HYDIN: variants seen among roughly 807,000 people sequenced by gnomAD.
HYDIN encodes axonemal central pair apparatus protein HYDIN.
HYDIN carries 132 observed loss-of-function variants against 403.9 expected under a neutral mutation model. The ratio of observed to expected loss-of-function variants is 0.33; its 90% CI spans 0.28 to 0.38. The LOEUF (loss-of-function observed/expected upper bound fraction) is 0.38. HYDIN is among the 10% of genes least tolerant of loss of function. HYDIN has a pLI of 1.00. For missense variants in HYDIN, 2,827 were observed against 5,009.5 expected, an observed-to-expected ratio of 0.56 and a Z score of 13.15; for synonymous variants, 1,202 against 1,891.7, an observed-to-expected ratio of 0.64 and a Z score of 9.46.
intron 8 of HYDIN, 147 bp downstream of exon 8, chr16:71,137,004 G>A: frequency 3.5e-6 from 2 of 569,584 alleles, no homozygotes; most frequent in Non-Finnish European, 6.3e-6. Context: ...TTCAAAAGAG[G>A]ATCTTAAACC....
chr16:71,072,513 G>C (rs1318317574), intron 13 of HYDIN, among the ~76,000 whole-genome samples: 1 of 152,120 alleles, frequency 6.6e-6, no homozygotes, highest in South Asian at 2.1e-4. Flanking sequence ...GAGTTAAAAA[G>C]AATTTTATAG....
intron 18 of HYDIN, among the ~76,000 whole-genome samples, chr16:71,042,474 C>G (rs1463476104): frequency 1.3e-5 from 2 of 152,182 alleles, no homozygotes; most frequent in Non-Finnish European, 2.9e-5. Context: ...CTCTCTCTCT[C>G]TCTTTCACTT....
At position 70,807,731 on chromosome 16, in the gene HYDIN, T is replaced by G; in HGVS notation, c.15215A>C (p.Lys5072Thr). 1 of 1,614,166 alleles carries G rather than the reference T, an allele frequency of 6.2e-7. No individual in the cohort carries two copies. Residue 5072 changes from lysine to threonine, a missense_variant, in exon 86 of 86, where the codon AAG (lysine) becomes ACG (threonine). Lys to Thr is a moderately conservative substitution (Grantham distance 78). Transcript: ENST00000393567. ...TIRAGESVRP[K>T]KINNITVSFE... ...GGAGACTGTGATGTTGTTGATCTTC[T>G]TGGGCCGCACAGACTCTCCAGCGCG... is the stretch of plus-strand genomic sequence containing the variant.
In HYDIN at chr16:70,953,577, A is replaced by G. The variant is rs576520090; in HGVS notation, c.6317-942T>C. Reference sequence around the variant, plus strand: ...CGGCTTCCCCATGACCCCTCCTGAAATGTAGGTGTTCCCCATGGTCCTAAC... The same window carrying G: ...CGGCTTCCCCATGACCCCTCCTGAAGTGTAGGTGTTCCCCATGGTCCTAAC... On this transcript the variant is annotated intron_variant, in intron 40 of 85. Coordinates refer to ENST00000393567, the MANE Select transcript of HYDIN (RefSeq NM_001270974.2). Among the ~76,000 whole-genome samples, 13 of 152,082 alleles carry G rather than the reference A, an allele frequency of 8.5e-5. No homozygotes were observed. In the South Asian group the frequency reaches 2.7e-3, roughly 32 times the overall value.
intron 7 of HYDIN, among the ~76,000 whole-genome samples, chr16:71,139,095 G>GAAAAAAAAAAAAAAAAAAA (rs71758936): frequency 9.6e-6 from 1 of 103,814 alleles, no homozygotes; most frequent in Non-Finnish European, 1.8e-5. Context: ...AAATAAAGAA[G>GAAAAAAAAAAAAAAAAAAA]AAAAAAAAAA....
intron 5 of HYDIN, among the ~76,000 whole-genome samples, chr16:71,175,030 C>A (rs922285602): frequency 3.3e-5 from 5 of 151,998 alleles, no homozygotes; most frequent in Non-Finnish European, 5.9e-5. Context: ...ACTACCACCG[C>A]CTATACCACC....
At chr16:70,837,624 G>C in intron 77 of HYDIN, 66 bp downstream of exon 77, 1 of 1,582,296 alleles carries the variant, frequency 6.3e-7, no homozygotes, top group East Asian at 2.2e-5. Flanking sequence ...GTTCTGGGGG[G>C]CAAAGAAGGA....
At position 70,805,532 on chromosome 16, in the gene HYDIN, C is replaced by T. The variant is rs1057010922; in HGVS notation, c.*2048G>A. 2.0e-5 allele frequency among the ~76,000 whole-genome samples: 3 copies of T among 152,240 alleles called. No individual in the cohort carries two copies. Among genetic ancestry groups the T allele is most frequent in the Non-Finnish European group, 4.4e-5 (3 of 68,046 alleles). On this transcript the variant is annotated 3_prime_UTR_variant, in exon 86 of 86. Coordinates refer to ENST00000393567, the MANE Select transcript of HYDIN (RefSeq NM_001270974.2). ...CCCCACCCAAATCTCCTAGATCGGA[C>T]TTCCTGAGGGTGGGGCTCAGCAATC...
At chr16:70,937,041 C>A (rs1259581802) in intron 44 of HYDIN, among the ~76,000 whole-genome samples, 1 of 151,806 alleles carries the variant, frequency 6.6e-6, no homozygotes, top group Non-Finnish European at 1.5e-5. Context: ...AATAGTTAAC[C>A]CAGCTATTTT....
rs186719409 is a variant in HYDIN at position 71,101,908 on chromosome 16, A to T, written c.1328-7973T>A. On this transcript the variant is annotated intron_variant, in intron 10 of 85. Transcript: ENST00000393567. ...GTTCAAGACTGTTCATAAGAGCATTATTCTCAATAGCATAACAGCATTAAG... is the reference window on the plus strand; with the variant it reads ...GTTCAAGACTGTTCATAAGAGCATTTTTCTCAATAGCATAACAGCATTAAG... Among the ~76,000 whole-genome samples, 353 of 152,290 alleles carry T rather than the reference A, an allele frequency of 2.3e-3. 5 individuals carry two copies. The highest frequency in any genetic ancestry group is 7.9e-3 in the African/African-American group (328 of 41,574).
intron 5 of HYDIN, among the ~76,000 whole-genome samples, chr16:71,166,119 T>G (rs1339759542): frequency 7.2e-6 from 1 of 138,648 alleles, no homozygotes; most frequent in Admixed American, 7.3e-5. Flanking sequence ...GACACAGATG[T>G]GGACTTGTGT....
At chr16:71,037,141 C>A (rs1050856664) in intron 18 of HYDIN, among the ~76,000 whole-genome samples, 2 of 151,216 alleles carry the variant, frequency 1.3e-5, no homozygotes, top group Non-Finnish European at 2.9e-5. Flanking sequence ...GGTTTCTCAT[C>A]CGTAGCTCAG....
At chr16:71,119,861 AG>A (rs1400591165) in intron 9 of HYDIN, among the ~76,000 whole-genome samples, 2 of 151,100 alleles carry the variant, frequency 1.3e-5, no homozygotes, top group African/African-American at 4.9e-5. Flanking sequence ...CCCCACTTCC[AG>A]TTTCACGTCT....
chr16:70,829,627 G>T lies in HYDIN; in HGVS notation c.14103C>A (p.Arg4701=). Residue 4701 remains arginine (R), a synonymous_variant, in exon 81 of 86, where the codon CGC becomes CGA. Coordinates refer to ENST00000393567, the MANE Select transcript of HYDIN (RefSeq NM_001270974.2). ...YRPRTMNLEN[R]KHQGTLFFPL... ...GGGGACCTCAGTCTACCTGGTGCTT[G>T]CGGTTCTCCAAGTTCATGGTGCGGG... 1 of 1,612,970 alleles carries T rather than the reference G, an allele frequency of 6.2e-7. No individual in the cohort carries two copies. The highest frequency in any genetic ancestry group is 8.5e-7 in the Non-Finnish European group (1 of 1,179,660).
At position 71,096,594 on chromosome 16, in the gene HYDIN, C is replaced by T. The variant is rs1224457962; in HGVS notation, c.1328-2659G>A. On this transcript the variant is annotated intron_variant, in intron 10 of 85. Coordinates refer to ENST00000393567, the MANE Select transcript of HYDIN (RefSeq NM_001270974.2). ...ACAAAATCTCTCTGGCTATACCTAA[C>T]AAGCGGTTAAATTCATCCACTGAGT... 3.3e-5 allele frequency among the ~76,000 whole-genome samples: 5 copies of T among 150,464 alleles called. No individual in the cohort carries two copies. In the East Asian group the frequency reaches 9.9e-4, roughly 30 times the overall value.
At chr16:71,092,483 C>T (rs925070724) in intron 11 of HYDIN, among the ~76,000 whole-genome samples, 1 of 152,200 alleles carries the variant, frequency 6.6e-6, no homozygotes, top group Non-Finnish European at 1.5e-5. Context: ...ACCTTAACTT[C>T]TCTAAGACTC....
intron 18 of HYDIN, among the ~76,000 whole-genome samples, chr16:71,039,635 A>C (rs950968080): frequency 1.3e-5 from 2 of 152,188 alleles, no homozygotes; most frequent in Non-Finnish European, 2.9e-5. Flanking sequence ...CTTTGATGGC[A>C]TAACTTCAGA....
intron 1 of HYDIN, among the ~76,000 whole-genome samples, chr16:71,201,312 A>G (rs574511964): frequency 1.3e-5 from 2 of 152,344 alleles, no homozygotes; most frequent in African/African-American, 4.8e-5. Flanking sequence ...CTGGATTGAC[A>G]GCTGAATCAC....
chr16:70,808,990 C>T (rs2035283307), intron 85 of HYDIN, among the ~76,000 whole-genome samples: 1 of 152,220 alleles, frequency 6.6e-6, no homozygotes. Context: ...AGCTGCCATT[C>T]CAGCTCAAAC....
Sources: allele counts gnomAD v4.1 joint callset (sites outside exome capture counted in the v4.1 genomes callset), GRCh38; gene constraint gnomAD v4.1.1; transcripts MANE v1.5; gene names NCBI Gene and HGNC (gene_info 2026-07-23, HGNC 2026-07-21).